FBXL2: variants seen among roughly 807,000 people sequenced by gnomAD.
The protein encoded by FBXL2 is F-box/LRR-repeat protein 2.
Under a neutral mutation model 69.2 loss-of-function variants are expected in FBXL2, and 38 were observed. The ratio of observed to expected loss-of-function variants is 0.55; its 90% CI spans 0.42 to 0.72. The LOEUF is 0.72. Among genes scored for constraint, FBXL2 ranks in the 30% least tolerant of loss-of-function variants. The pLI is 0.00. For synonymous variants in FBXL2, 192 were observed against 201.3 expected (o/e 0.95, Z 0.39); for missense variants, 354 against 520.3 (o/e 0.68, Z 3.11).
At chr3:33,371,252 C>T (rs1390911737) in intron 5 of FBXL2, among the ~76,000 whole-genome samples, 1 of 151,060 alleles carries the variant, frequency 6.6e-6, no homozygotes, top group Non-Finnish European at 1.5e-5. Context: ...GCAACCTCCA[C>T]CTCCCGGGTT....
intron 1 of FBXL2, among the ~76,000 whole-genome samples, chr3:33,294,795 A>T (rs187325417): frequency 6.5e-4 from 99 of 151,590 alleles, no homozygotes; most frequent in African/African-American, 2.3e-3. Context: ...TTGAGCTGTG[A>T]TCATGCCACT....
chr3:33,279,830 T>C (rs2033775690), intron 1 of FBXL2, among the ~76,000 whole-genome samples: 1 of 152,176 alleles, frequency 6.6e-6, no homozygotes, highest in South Asian at 2.1e-4. Context: ...GTGATGAAGA[T>C]ACCTTTATCC....
intron 1 of FBXL2, among the ~76,000 whole-genome samples, chr3:33,297,039 G>C (rs2035813158): frequency 6.6e-6 from 1 of 152,044 alleles, no homozygotes; most frequent in South Asian, 2.1e-4. Flanking sequence ...GATGTCTTTT[G>C]ATTTATTTAA....
chr3:33,316,542 T>G (rs1358227633), intron 2 of FBXL2, among the ~76,000 whole-genome samples: 1 of 152,186 alleles, frequency 6.6e-6, no homozygotes, highest in Admixed American at 6.5e-5. Flanking sequence ...AGTCAAAATT[T>G]CCTCCCAGTA....
the FBXL2 span, among the ~76,000 whole-genome samples, chr3:33,413,456 A>G: frequency 6.6e-6 from 1 of 151,472 alleles, no homozygotes; most frequent in African/African-American, 2.4e-5. Flanking sequence ...CTGAGGCAGA[A>G]GAATGGTGTG....
chr3:33,377,601 C>T (rs970868781), intron 11 of FBXL2, among the ~76,000 whole-genome samples: 1 of 152,174 alleles, frequency 6.6e-6, no homozygotes, highest in Admixed American at 6.5e-5. Flanking sequence ...CCTCATTGGA[C>T]CCCAACTTGG....
intron 12 of FBXL2, chr3:33,402,673 G>A (rs2044273039): frequency 3.3e-6 from 2 of 613,880 alleles, no homozygotes; most frequent in Non-Finnish European, 5.1e-6. Context: ...CCAAGATACA[G>A]GATACTTCCC....
At chr3:33,371,870 A>G (rs1487803403) in intron 5 of FBXL2, among the ~76,000 whole-genome samples, 2 of 152,144 alleles carry the variant, frequency 1.3e-5, no homozygotes, top group East Asian at 3.8e-4. Context: ...AGGGCTAATT[A>G]TGCGCCACTC....
At chr3:33,382,053 C>G (rs755610545) in intron 13 of FBXL2, among the ~76,000 whole-genome samples, 1 of 152,182 alleles carries the variant, frequency 6.6e-6, no homozygotes, top group Non-Finnish European at 1.5e-5. Flanking sequence ...GGGGCTGTTA[C>G]AACCAGTACT....
intron 1 of FBXL2, among the ~76,000 whole-genome samples, chr3:33,297,398 T>C (rs1241360301): frequency 6.6e-6 from 1 of 152,168 alleles, no homozygotes. Context: ...ATGTCTTTTT[T>C]ATCTTTTGTC....
At chr3:33,280,440 G>A (rs2033846537) in intron 1 of FBXL2, among the ~76,000 whole-genome samples, 1 of 152,138 alleles carries the variant, frequency 6.6e-6, no homozygotes, top group African/African-American at 2.4e-5. Flanking sequence ...TGGGCTCAGT[G>A]GCTCACGCCT....
At chr3:33,364,830 AT>A (rs2041849493) in intron 5 of FBXL2, 111 bp downstream of exon 5, 2 of 982,936 alleles carry the variant, frequency 2.0e-6, no homozygotes, top group Non-Finnish European at 1.6e-6. Flanking sequence ...TTCTGTGGTA[AT>A]TTGCATAGAG....
chr3:33,289,913 A>G, intron 1 of FBXL2: 1 of 340,346 alleles, frequency 2.9e-6, no homozygotes, highest in Non-Finnish European at 4.2e-6. Flanking sequence ...GGGGCATGGC[A>G]AGACAGCTAA....
At chr3:33,395,394 A>G (rs970407115) in intron 12 of FBXL2, among the ~76,000 whole-genome samples, 1 of 152,090 alleles carries the variant, frequency 6.6e-6, no homozygotes, top group Non-Finnish European at 1.5e-5. Context: ...AAAGAAGGAA[A>G]TGTTACCATA....
intron 2 of FBXL2, among the ~76,000 whole-genome samples, chr3:33,326,376 A>T (rs2038692298): frequency 6.6e-6 from 1 of 152,000 alleles, no homozygotes; most frequent in South Asian, 2.1e-4. Flanking sequence ...GGTGGCAGGC[A>T]CCTGTAGTCC....
intron 2 of FBXL2, among the ~76,000 whole-genome samples, chr3:33,322,064 ATTTTTTTTTTTTTTTT>A (rs34703817): frequency 8.0e-5 from 5 of 62,480 alleles, no homozygotes; most frequent in East Asian, 1.2e-3. Flanking sequence ...TGACTAGGTG[ATTTTTTTTTTTTTTTT>A]TTTTTTTTTT....
At chr3:33,357,493 G>A (rs2041283980) in intron 2 of FBXL2, among the ~76,000 whole-genome samples, 1 of 149,996 alleles carries the variant, frequency 6.7e-6, no homozygotes, top group Admixed American at 6.6e-5. Context: ...ACATATTTTA[G>A]CCACCAGCAT....
chr3:33,391,769 G>A (rs2043773979), downstream of FBXL2: 1 of 152,210 alleles, frequency 6.6e-6, no homozygotes, highest in Non-Finnish European at 1.5e-5. Context: ...CTTCTCATCT[G>A]TCTCCACAGA....
chr3:33,291,300 G>A (rs944873368), intron 1 of FBXL2, among the ~76,000 whole-genome samples: 1 of 152,058 alleles, frequency 6.6e-6, no homozygotes, highest in African/African-American at 2.4e-5. Context: ...ATATTCAAAA[G>A]TGAAGGAGAA....
Sources: allele counts gnomAD v4.1 joint callset (sites outside exome capture counted in the v4.1 genomes callset), GRCh38; gene constraint gnomAD v4.1.1; transcripts MANE v1.5; gene names NCBI Gene and HGNC (gene_info 2026-07-23, HGNC 2026-07-21).